The following SLIT2 variants were observed in gnomAD, a reference collection of about 807,000 sequenced individuals.
SLIT2 encodes the protein slit homolog 2 protein.
In SLIT2, 41 loss-of-function variants were observed where a neutral mutation model predicts 185.7. That is an observed-to-expected ratio of 0.22 (90% CI 0.17 to 0.29). SLIT2 has a LOEUF of 0.29. Ranked by LOEUF, SLIT2 falls within the 10% of genes least tolerant of loss-of-function variation. The pLI is 1.00. For synonymous variants in SLIT2, 693 were observed against 680.2 expected (o/e 1.02, Z -0.29); for missense variants, 1,571 against 1,909.0 (o/e 0.82, Z 3.30).
At chr4:20,557,397 C>G (rs994033304) in intron 26 of SLIT2, among the ~76,000 whole-genome samples, 1 of 151,930 alleles carries the variant, frequency 6.6e-6, no homozygotes, top group Admixed American at 6.6e-5. Context: ...TCCTAGAGCC[C>G]TTGATAATTA....
chr4:20,266,332 T>C (rs1488594991), intron 3 of SLIT2, among the ~76,000 whole-genome samples: 1 of 151,938 alleles, frequency 6.6e-6, no homozygotes, highest in African/African-American at 2.4e-5. Context: ...TTGAATTCTT[T>C]CCAGCTTCTA....
At chr4:20,545,986 C>T (rs1312272870) in intron 21 of SLIT2, 45 bp from the exon 22 acceptor site, 1 of 1,087,298 alleles carries the variant, frequency 9.2e-7, no homozygotes, top group Non-Finnish European at 1.4e-6. Context: ...TTATTCAAGG[C>T]CACCATTACT....
At chr4:20,378,231 G>A (rs1024517910) in intron 4 of SLIT2, among the ~76,000 whole-genome samples, 4 of 152,090 alleles carry the variant, frequency 2.6e-5, no homozygotes, top group African/African-American at 4.8e-5. Flanking sequence ...ACACTGTTTA[G>A]TAACATACAT....
intron 4 of SLIT2, among the ~76,000 whole-genome samples, chr4:20,421,518 G>A (rs1335856955): frequency 6.6e-6 from 1 of 152,032 alleles, no homozygotes; most frequent in African/African-American, 2.4e-5. Context: ...TAAATTTAAC[G>A]ATAAACTTTT....
chr4:20,471,961 C>A (rs1715085469), intron 5 of SLIT2, among the ~76,000 whole-genome samples: 1 of 151,584 alleles, frequency 6.6e-6, no homozygotes, highest in South Asian at 2.1e-4. Context: ...TTTCTCCAGC[C>A]ACAATTTAAA....
In SLIT2 at chr4:20,406,902, T is replaced by G. The variant is rs891479444; in HGVS notation, c.396-60850T>G. On this transcript the variant is annotated intron_variant, in intron 4 of 36. Coordinates refer to ENST00000504154, the MANE Select transcript of SLIT2 (RefSeq NM_004787.4). The stretch of plus-strand genomic sequence containing the variant: ...TTGTTTAAAGCCCAGATGGAAACAA[T>G]GTAACTGTCCTATCAACAATGAAAT... Among the ~76,000 whole-genome samples the G allele has an allele frequency of 3.3e-4, 35 of 106,112 alleles. 2 individuals are homozygous for G. The highest frequency in any genetic ancestry group is 8.5e-4 in the African/African-American group (32 of 37,686). The allele number at this position is 106,112 out of a possible 152,430, so 69.6% of individuals were successfully genotyped here.
At chr4:20,476,562 T>C (rs1284089676) in intron 5 of SLIT2, among the ~76,000 whole-genome samples, 1 of 152,160 alleles carries the variant, frequency 6.6e-6, no homozygotes, top group African/African-American at 2.4e-5. Flanking sequence ...TTATTAAAGA[T>C]TGTTATGTTC....
chr4:20,471,130 T>G (rs1714959188), intron 5 of SLIT2, among the ~76,000 whole-genome samples: 2 of 152,172 alleles, frequency 1.3e-5, no homozygotes, highest in Non-Finnish European at 2.9e-5. Flanking sequence ...AATATCACAA[T>G]GAATGTATAG....
intron 29 of SLIT2, among the ~76,000 whole-genome samples, chr4:20,580,677 A>C (rs1016200412): frequency 6.6e-6 from 1 of 152,146 alleles, no homozygotes; most frequent in African/African-American, 2.4e-5. Context: ...CAGAGGAGTA[A>C]GTGATGATTG....
chr4:20,542,538 G>A lies in SLIT2; in HGVS notation c.2188G>A (p.Glu730Lys), dbSNP rs764714647. 6.2e-7 allele frequency: 1 copy of A among 1,613,840 alleles called. No individual in the cohort carries two copies. Among genetic ancestry groups the A allele is most frequent in the Non-Finnish European group, 8.5e-7 (1 of 1,179,798 alleles). The change falls in exon 21 of 37, where the codon GAA becomes AAA. Residue 730 changes from glutamate to lysine, a missense_variant. Transcript: ENST00000504154. ...SCSPLSRCPT[E>K]CTCLDTVVRC... is the part of the protein sequence containing the mutation. ...CTCCCCACTTTCTCGCTGTCCTACT[G>A]AATGTACTTGCTTGGATACAGTCGT...
Position 20,528,262 on chromosome 4 carries a change from A to G in SLIT2, c.1463-687A>G. On this transcript the variant is annotated intron_variant, in intron 15 of 36. Transcript: ENST00000504154. The surrounding 1 kb of genome is among the most constrained non-coding windows in gnomAD (Gnocchi z 4.2). ...TTCCTCTTGGTCTTACCTTTGGCCTAGTGGTTGGTGTAGTGATAATGTAGC... is the reference window on the plus strand; with the variant it reads ...TTCCTCTTGGTCTTACCTTTGGCCTGGTGGTTGGTGTAGTGATAATGTAGC... The G allele has an allele frequency of 1.9e-6, 1 of 534,508 alleles. No individual in the cohort carries two copies. The highest frequency in any genetic ancestry group is 3.8e-6 in the Non-Finnish European group (1 of 260,056). 33.1% of individuals were successfully genotyped at this position (534,508 alleles called of 1,614,324 possible). A position where few individuals can be genotyped will look rare whatever the true frequency, so the allele number is the denominator to read the frequency against.
chr4:20,284,443 A>G (rs751530152), intron 4 of SLIT2, among the ~76,000 whole-genome samples: 1 of 152,236 alleles, frequency 6.6e-6, no homozygotes, highest in African/African-American at 2.4e-5. Context: ...CAGTATTCAC[A>G]TGCACTGAGT....
At chr4:20,418,585 T>G (rs1727893119) in intron 4 of SLIT2, among the ~76,000 whole-genome samples, 1 of 152,214 alleles carries the variant, frequency 6.6e-6, no homozygotes. Context: ...CAGTGAAAAC[T>G]TGAGGATGAT....
chr4:20,447,037 C>T (rs146861029), intron 4 of SLIT2, among the ~76,000 whole-genome samples: 16 of 152,262 alleles, frequency 1.1e-4, no homozygotes, highest in African/African-American at 2.6e-4. Flanking sequence ...AGGATAGAAA[C>T]GTCACAGAAG....
In SLIT2 at chr4:20,529,103, A is replaced by G. The variant is rs1355379408; in HGVS notation, c.1613+4A>G. The G allele has an allele frequency of 6.3e-7, 1 of 1,579,758 alleles. No individual in the cohort carries two copies. The highest frequency in any genetic ancestry group is 1.3e-5 in the African/African-American group (1 of 74,570). ...TTCCCCAGTACACTGCAGAGTTGTAAGTTCATCCCCCAACAAAATTCTGGT... is the reference window on the plus strand; with the variant it reads ...TTCCCCAGTACACTGCAGAGTTGTAGGTTCATCCCCCAACAAAATTCTGGT... On this transcript the variant is annotated splice_donor_region_variant and intron_variant, in intron 16 of 36. Coordinates refer to ENST00000504154, the MANE Select transcript of SLIT2 (RefSeq NM_004787.4).
intron 29 of SLIT2, among the ~76,000 whole-genome samples, chr4:20,579,494 A>G (rs1432106614): frequency 6.6e-6 from 1 of 152,154 alleles, no homozygotes; most frequent in Admixed American, 6.6e-5. Context: ...TGCTACACAT[A>G]TGTCAGTCAT....
intron 11 of SLIT2, among the ~76,000 whole-genome samples, chr4:20,516,278 G>A (rs1023050121): frequency 6.6e-6 from 1 of 152,006 alleles, no homozygotes; most frequent in African/African-American, 2.4e-5. Context: ...TTTCCCTATT[G>A]TTCAAAAAGA....
intron 1 of SLIT2, among the ~76,000 whole-genome samples, chr4:20,255,345 C>G (rs1472466063): frequency 6.6e-6 from 1 of 152,348 alleles, no homozygotes; most frequent in African/African-American, 2.4e-5. Flanking sequence ...GCAAATGGCT[C>G]TTCTACCCCC....
chr4:20,547,099 C>A (rs911610420), intron 22 of SLIT2, among the ~76,000 whole-genome samples: 1 of 152,044 alleles, frequency 6.6e-6, no homozygotes, highest in Admixed American at 6.6e-5. Flanking sequence ...GATCACTTTC[C>A]TTGAAAGTAT....
Sources: allele counts gnomAD v4.1 joint callset (sites outside exome capture counted in the v4.1 genomes callset), GRCh38; gene constraint gnomAD v4.1.1; non-coding constraint Gnocchi (gnomAD v3.1); transcripts MANE v1.5; gene names NCBI Gene and HGNC (gene_info 2026-07-23, HGNC 2026-07-21).